TUFT1: variants seen among roughly 807,000 people sequenced by gnomAD.
The protein encoded by TUFT1 is tuftelin.
Under a neutral mutation model 57.8 loss-of-function variants are expected in TUFT1, and 43 were observed. The observed-to-expected ratio is 0.74, with a 90% CI of 0.58 to 0.96. The LOEUF is 0.96. TUFT1 is among the 40% of genes least tolerant of loss of function. The pLI is 0.00. For missense variants in TUFT1, 459 were observed against 489.0 expected, an observed-to-expected ratio of 0.94 and a Z score of 0.58; for synonymous variants, 166 against 176.7, an observed-to-expected ratio of 0.94 and a Z score of 0.48.
intron 12 of TUFT1, among the ~76,000 whole-genome samples, 168 bp from the exon 13 acceptor site, chr1:151,581,476 A>T (rs1325857355): frequency 6.6e-6 from 1 of 151,922 alleles, no homozygotes; most frequent in Non-Finnish European, 1.5e-5. Context: ...ATCTTCCCCT[A>T]GTTGTCACTG....
intron 1 of TUFT1, among the ~76,000 whole-genome samples, chr1:151,551,298 A>G (rs1665498084): frequency 6.6e-6 from 1 of 152,204 alleles, no homozygotes; most frequent in Non-Finnish European, 1.5e-5. Flanking sequence ...GGAATTGGGA[A>G]AATCCCTGAA....
In TUFT1 at chr1:151,555,454, T is replaced by A. The variant is rs541829704; in HGVS notation, c.61-6637T>A. ...TTGTCCCTGCAAGTACTTGAAGGAA[T>A]ATTAATTCCTTTTTTTTTTTTTTAA... On this transcript the variant is annotated intron_variant, in intron 1 of 12. Transcript: ENST00000368849. Among the ~76,000 whole-genome samples the A allele has an allele frequency of 1.8e-4, 27 of 147,624 alleles. 1 individual carries two copies. In the East Asian group the frequency reaches 5.1e-3, roughly 28 times the overall value.
At chr1:151,571,703 T>G (rs1474981739) in intron 7 of TUFT1, among the ~76,000 whole-genome samples, 1 of 152,102 alleles carries the variant, frequency 6.6e-6, no homozygotes, top group African/African-American at 2.4e-5. Flanking sequence ...TGGAAAAAAA[T>G]TTCTGCACTG....
At chr1:151,579,900 A>G (rs1666589449) in intron 11 of TUFT1, among the ~76,000 whole-genome samples, 168 bp downstream of exon 11, 1 of 152,172 alleles carries the variant, frequency 6.6e-6, no homozygotes, top group Non-Finnish European at 1.5e-5. Context: ...ACATTTTCTG[A>G]GAACCTTCAG....
intron 1 of TUFT1, among the ~76,000 whole-genome samples, chr1:151,544,681 C>T (rs1382737004): frequency 1.3e-5 from 2 of 152,218 alleles, no homozygotes; most frequent in African/African-American, 4.8e-5. Flanking sequence ...TTTAAAATCA[C>T]ATATGTGCAT....
intron 7 of TUFT1, among the ~76,000 whole-genome samples, chr1:151,570,576 G>A (rs1162305573): frequency 1.3e-5 from 2 of 152,172 alleles, no homozygotes; most frequent in East Asian, 1.9e-4. Flanking sequence ...CACCATGCCC[G>A]GCCTGGAATG....
chr1:151,562,841 CTTAA>C (rs1448130424), intron 3 of TUFT1, among the ~76,000 whole-genome samples, 155 bp downstream of exon 3: 5 of 152,300 alleles, frequency 3.3e-5, no homozygotes, highest in East Asian at 1.9e-4. Context: ...CTAGAAATAT[CTTAA>C]TTAATACCAG....
chr1:151,566,241 G>A lies in TUFT1; in HGVS notation c.480+13G>A, dbSNP rs1376442863. ...CAGCCCACCTGAGGTAGGTAACAGA[G>A]GACACCATGGTGGCTCCGCTTAGCC... On this transcript the variant is annotated intron_variant, in intron 6 of 12. Coordinates refer to ENST00000368849, the MANE Select transcript of TUFT1 (RefSeq NM_020127.3). 4 of 1,607,864 alleles carry A rather than the reference G, an allele frequency of 2.5e-6. No individual in the cohort carries two copies. Among genetic ancestry groups the A allele is most frequent in the Non-Finnish European group, 3.4e-6 (4 of 1,177,400 alleles).
intron 1 of TUFT1, among the ~76,000 whole-genome samples, chr1:151,551,453 C>G (rs747776207): frequency 6.6e-6 from 1 of 151,914 alleles, no homozygotes; most frequent in East Asian, 1.9e-4. Flanking sequence ...AGAATGGGCT[C>G]CTTGTTAAAG....
At chr1:151,540,580 C>A in intron 1 of TUFT1, 154 bp downstream of exon 1, 2 of 800,930 alleles carry the variant, frequency 2.5e-6, no homozygotes, top group East Asian at 2.7e-5. Context: ...ATTCTTTTGC[C>A]TGCGACGGGC....
intron 1 of TUFT1, chr1:151,540,712 G>A: frequency 2.1e-6 from 1 of 472,004 alleles, no homozygotes. Flanking sequence ...CTTGGGCCGC[G>A]GGTCTCAGGC....
intron 1 of TUFT1, among the ~76,000 whole-genome samples, chr1:151,541,238 CGG>C (rs1665156491): frequency 6.6e-6 from 1 of 152,100 alleles, no homozygotes; most frequent in East Asian, 1.9e-4. Context: ...GGCTTCTGGA[CGG>C]GGAGAGGGTT....
chr1:151,582,122 T>C lies in TUFT1; in HGVS notation c.*415T>C. 2.1e-6 allele frequency: 1 copy of C among 469,028 alleles called. No individual in the cohort carries two copies. The highest frequency in any genetic ancestry group is 1.5e-5 in the South Asian group (1 of 64,696). 29.1% of individuals were successfully genotyped at this position (469,028 alleles called of 1,614,324 possible). A position where few individuals can be genotyped will look rare whatever the true frequency, so the allele number is the denominator to read the frequency against. On this transcript the variant is annotated 3_prime_UTR_variant, in exon 13 of 13. Transcript: ENST00000368849. ...ACAGATGTCCAGAGTGATTGGAGAA[T>C]GTCCTGGGGGAATGAAGTTCCTTCC...
rs1470411735 is a variant in TUFT1, at chr1:151,540,415, G to A, written c.49G>A (p.Asp17Asn). ...WCTLVDVHPE[D>N]QAAGSVDILR... The stretch of plus-strand genomic sequence containing the variant: ...TACCCTGGTGGACGTGCACCCAGAG[G>A]ACCAGGCGGCGGTAAGAAAAAGCGC... Residue 17 changes from aspartate to asparagine, a missense_variant, in exon 1 of 13, where the codon GAC becomes AAC. Asp to Asn is a conservative substitution (Grantham distance 23, BLOSUM62 1). Transcript: ENST00000368849. 2.5e-6 allele frequency: 4 copies of A among 1,614,072 alleles called. No homozygotes were observed. Among genetic ancestry groups the A allele is most frequent in the East Asian group, 2.2e-5 (1 of 44,882 alleles).
In TUFT1 at chr1:151,564,549, C is replaced by G; in HGVS notation, c.349C>G (p.Arg117Gly). 6.2e-7 allele frequency: 1 copy of G among 1,614,100 alleles called. No homozygotes were observed. The highest frequency in any genetic ancestry group is 8.5e-7 in the Non-Finnish European group (1 of 1,180,012). The change falls in exon 5 of 13, where the codon CGG becomes GGG. Residue 117 changes from arginine to glycine, a missense_variant. Transcript: ENST00000368849. The part of the protein sequence containing the change: ...QEARNCLQKL[R>G]EDISSKLDRN... ...GGCCAGGAACTGCCTACAGAAGCTC[C>G]GGGAGGATATAAGTAGCAAGCTTGA...
chr1:151,565,305 C>T (rs1184908644), intron 5 of TUFT1, among the ~76,000 whole-genome samples: 1 of 152,258 alleles, frequency 6.6e-6, no homozygotes, highest in Non-Finnish European at 1.5e-5. Flanking sequence ...CTCAGGAGAG[C>T]AGAGCTGTCT....
chr1:151,569,974 C>A lies in TUFT1; in HGVS notation c.594+204C>A, dbSNP rs1228422794. The A allele has an allele frequency of 5.7e-6, 3 of 521,836 alleles. No homozygotes were observed. In the East Asian group the frequency reaches 1.0e-4, roughly 18 times the overall value. The allele number at this position is 521,836 out of a possible 1,614,324, so 32.3% of individuals were successfully genotyped here. On this transcript the variant is annotated intron_variant, in intron 7 of 12. Coordinates refer to ENST00000368849, the MANE Select transcript of TUFT1 (RefSeq NM_020127.3). ...TACTGTCCAAGGCCAGCCCATAGTT[C>A]AAAGGTCAGCTCGGGATTCTCTGCT...
chr1:151,555,916 T>TG (rs1453575072), intron 1 of TUFT1, among the ~76,000 whole-genome samples: 1 of 152,166 alleles, frequency 6.6e-6, no homozygotes, highest in Non-Finnish European at 1.5e-5. Context: ...ACCAGGATAT[T>TG]GGCATTGATA....
rs889410589 is a variant in TUFT1, at chr1:151,581,277, A to G, written c.1109+235A>G. On this transcript the variant is annotated intron_variant, in intron 12 of 12. Transcript: ENST00000368849. ...TTCTAGAGATGTATGAACCACCTGA[A>G]ATGGTAGGAAAAATTTAGTTATAAT... Among the ~76,000 whole-genome samples the G allele has an allele frequency of 6.6e-5, 10 of 152,152 alleles. No homozygotes were observed. In the East Asian group the frequency reaches 1.7e-3, roughly 26 times the overall value.
Sources: gnomAD v4.1 joint callset for allele counts (sites outside exome capture counted in the v4.1 genomes callset) on GRCh38, gnomAD v4.1.1 for gene constraint, MANE v1.5 for transcripts, NCBI Gene and HGNC (gene_info 2026-07-23, HGNC 2026-07-21) for gene names.